Variants in MAPKAP1 observed in about 807,000 individuals in gnomAD.
The protein encoded by MAPKAP1 is MAPK associated protein 1.
Under a neutral mutation model 65.7 loss-of-function variants are expected in MAPKAP1, and 20 were observed. That is an observed-to-expected ratio of 0.30 (90% CI 0.21 to 0.44). The LOEUF is 0.44. Ranked by LOEUF, MAPKAP1 falls within the 20% of genes least tolerant of loss-of-function variation. The pLI is 1.00. For missense variants in MAPKAP1, 423 were observed against 648.0 expected, an observed-to-expected ratio of 0.65 and a Z score of 3.77; for synonymous variants, 222 against 244.3, an observed-to-expected ratio of 0.91 and a Z score of 0.85.
At position 125,566,855 on chromosome 9, in the gene MAPKAP1, A is replaced by G. The variant is rs574442401; in HGVS notation, c.672-7046T>C. 7.2e-5 allele frequency among the ~76,000 whole-genome samples: 11 copies of G among 152,258 alleles called. No individual in the cohort carries two copies. In the South Asian group the frequency reaches 2.1e-3, roughly 29 times the overall value. Reference sequence around the variant, plus strand: ...TTTCCAGCTCATATCTCTCCCCTCTAAACTCCAGACAAGAAAATACAAGTG... The same window carrying G: ...TTTCCAGCTCATATCTCTCCCCTCTGAACTCCAGACAAGAAAATACAAGTG... On this transcript the variant is annotated intron_variant, in intron 5 of 11. Coordinates refer to ENST00000265960, the MANE Select transcript of MAPKAP1 (RefSeq NM_001006617.3).
At chr9:125,557,856 G>A (rs1026976577) in intron 6 of MAPKAP1, among the ~76,000 whole-genome samples, 5 of 152,002 alleles carry the variant, frequency 3.3e-5, no homozygotes, top group South Asian at 2.1e-4. Flanking sequence ...ATACTGAAAC[G>A]TTTATAATTT....
chr9:125,605,916 T>C (rs1832426974), intron 4 of MAPKAP1, among the ~76,000 whole-genome samples: 1 of 152,230 alleles, frequency 6.6e-6, no homozygotes, highest in Admixed American at 6.5e-5. Flanking sequence ...AAACATGTTT[T>C]GTCATCTTGA....
intron 4 of MAPKAP1, among the ~76,000 whole-genome samples, chr9:125,612,189 TA>T (rs1216280011): frequency 2.6e-5 from 4 of 152,234 alleles, no homozygotes; most frequent in African/African-American, 9.6e-5. Context: ...TGGAGCATTT[TA>T]AACTTCAGAT....
chr9:125,585,911 A>G (rs1831769643), intron 4 of MAPKAP1, among the ~76,000 whole-genome samples, 184 bp from the exon 5 acceptor site: 1 of 152,064 alleles, frequency 6.6e-6, no homozygotes, highest in Non-Finnish European at 1.5e-5. Flanking sequence ...TTAAATTTTC[A>G]TTTTATAATA....
intron 7 of MAPKAP1, chr9:125,521,505 GTAAAA>G (rs1455837181): frequency 7.8e-7 from 1 of 1,285,800 alleles, no homozygotes; most frequent in Non-Finnish European, 9.8e-7. Context: ...TTAAACAATT[GTAAAA>G]TAGTTTATGG....
chr9:125,641,458 A>G (rs1833575202), intron 4 of MAPKAP1, among the ~76,000 whole-genome samples: 1 of 152,248 alleles, frequency 6.6e-6, no homozygotes, highest in African/African-American at 2.4e-5. Flanking sequence ...AGCAGAATCA[A>G]CTTTATCTAA....
At chr9:125,501,976 T>C (rs1434869593) in intron 8 of MAPKAP1, among the ~76,000 whole-genome samples, 1 of 152,184 alleles carries the variant, frequency 6.6e-6, no homozygotes, top group African/African-American at 2.4e-5. Flanking sequence ...TTCTGATGTT[T>C]CTGAATTTCT....
At chr9:125,501,085 C>T (rs567533429) in intron 8 of MAPKAP1, among the ~76,000 whole-genome samples, 67 of 152,278 alleles carry the variant, frequency 4.4e-4, no homozygotes, top group Middle Eastern at 6.8e-3. Flanking sequence ...TCTCACTATA[C>T]GATCTTTATC....
intron 10 of MAPKAP1, among the ~76,000 whole-genome samples, chr9:125,449,543 C>T (rs1247773607): frequency 2.0e-5 from 3 of 152,130 alleles, no homozygotes; most frequent in Admixed American, 1.3e-4. Flanking sequence ...TACCTCCACT[C>T]GTGAGTACTG....
rs1372224261 is a variant in MAPKAP1 at position 125,543,259 on chromosome 9, GT to G, written c.849-92del. 5 of 929,532 alleles carry G rather than the reference GT, an allele frequency of 5.4e-6. No individual in the cohort carries two copies. The East Asian group carries it at 1.2e-4, about 23-fold the overall frequency. The allele number at this position is 929,532 out of a possible 1,614,324, so 57.6% of individuals were successfully genotyped here. A position where few individuals can be genotyped will look rare whatever the true frequency, so the allele number is the denominator to read the frequency against. On this transcript the variant is annotated intron_variant, in intron 6 of 11. Coordinates refer to ENST00000265960, the MANE Select transcript of MAPKAP1 (RefSeq NM_001006617.3). ...CACTGTGTTTAAGCAAGTTTTTTTT[GT>G]TGTTGTTTGTTTTGTTTTGTTTTTG...
intron 3 of MAPKAP1, among the ~76,000 whole-genome samples, chr9:125,663,068 T>G (rs1034399818): frequency 2.0e-5 from 3 of 151,360 alleles, no homozygotes; most frequent in East Asian, 1.9e-4. Context: ...CAATAAAAAG[T>G]TTTTTTTTAA....
At chr9:125,516,012 A>G (rs1829450653) in intron 7 of MAPKAP1, among the ~76,000 whole-genome samples, 2 of 152,224 alleles carry the variant, frequency 1.3e-5, no homozygotes. Flanking sequence ...ATATAAAGAA[A>G]AAAGATATTA....
intron 1 of MAPKAP1, among the ~76,000 whole-genome samples, chr9:125,687,498 G>C (rs922295542): frequency 1.3e-5 from 2 of 152,016 alleles, no homozygotes; most frequent in Admixed American, 1.3e-4. Context: ...AATAGAGGCT[G>C]GGCACAGTAG....
intron 10 of MAPKAP1, among the ~76,000 whole-genome samples, chr9:125,451,556 T>C (rs1212424175): frequency 6.6e-6 from 1 of 152,156 alleles, no homozygotes; most frequent in Non-Finnish European, 1.5e-5. Flanking sequence ...CACCTCCACA[T>C]GGCCCCCAGT....
chr9:125,583,608 C>T (rs571615901), intron 5 of MAPKAP1, among the ~76,000 whole-genome samples: 23 of 152,282 alleles, frequency 1.5e-4, no homozygotes, highest in Admixed American at 1.2e-3. Flanking sequence ...ACTAATACTA[C>T]CACTTATTAT....
intron 6 of MAPKAP1, among the ~76,000 whole-genome samples, chr9:125,544,825 A>G (rs552465439): frequency 3.3e-5 from 5 of 152,346 alleles, no homozygotes; most frequent in Non-Finnish European, 2.9e-5. Context: ...AAGCTTCCCA[A>G]TGGTAGGACA....
chr9:125,579,188 G>C (rs1032668861), intron 5 of MAPKAP1, among the ~76,000 whole-genome samples: 2 of 152,206 alleles, frequency 1.3e-5, no homozygotes, highest in African/African-American at 2.4e-5. Context: ...GTTAACAGAC[G>C]TAAGTGTAAA....
At chr9:125,504,574 A>C (rs1427072867) in intron 8 of MAPKAP1, among the ~76,000 whole-genome samples, 1 of 152,074 alleles carries the variant, frequency 6.6e-6, no homozygotes, top group African/African-American at 2.4e-5. Context: ...CCAGGAGTTC[A>C]AGAGCAGTCT....
At chr9:125,666,893 A>T (rs563595638) in intron 3 of MAPKAP1, among the ~76,000 whole-genome samples, 2 of 152,218 alleles carry the variant, frequency 1.3e-5, no homozygotes, top group East Asian at 3.8e-4. Flanking sequence ...TTGTGCATTG[A>T]TAAGTTTCAC....
Sources: allele counts gnomAD v4.1 joint callset (sites outside exome capture counted in the v4.1 genomes callset), GRCh38; gene constraint gnomAD v4.1.1; transcripts MANE v1.5; gene names NCBI Gene and HGNC (gene_info 2026-07-23, HGNC 2026-07-21).